PHACTR3: variants seen among roughly 807,000 people sequenced by gnomAD.
PHACTR3 encodes phosphatase and actin regulator 3.
Under a neutral mutation model 66.8 loss-of-function variants are expected in PHACTR3, and 16 were observed. That is an observed-to-expected ratio of 0.24 (90% CI 0.16 to 0.36). PHACTR3 has a LOEUF of 0.36. PHACTR3 is among the 10% of genes least tolerant of loss of function. PHACTR3 has a pLI of 1.00. For missense variants in PHACTR3, 647 were observed against 719.9 expected, an observed-to-expected ratio of 0.90 and a Z score of 1.16; for synonymous variants, 323 against 292.1, an observed-to-expected ratio of 1.11 and a Z score of -1.08.
intron 1 of PHACTR3, among the ~76,000 whole-genome samples, chr20:59,687,037 ATGATGATGGTGGTGATTG>A (rs1490507819): frequency 2.2e-5 from 3 of 138,394 alleles, no homozygotes; most frequent in Non-Finnish European, 5.0e-5. Flanking sequence ...GATGGTGGTG[ATGATGATGGTGGTGATTG>A]TGATGATGGT....
chr20:59,653,288 G>A (rs536243733), intron 1 of PHACTR3, among the ~76,000 whole-genome samples: 5 of 151,816 alleles, frequency 3.3e-5, no homozygotes, highest in African/African-American at 9.7e-5. Context: ...GGGTTCAAGC[G>A]ATTTTCCTGT....
chr20:59,786,188 C>T (rs923904867), intron 7 of PHACTR3, among the ~76,000 whole-genome samples: 2 of 152,216 alleles, frequency 1.3e-5, no homozygotes, highest in Non-Finnish European at 2.9e-5. Flanking sequence ...GCGTGTGTGC[C>T]CCCAGGGAGT....
At chr20:59,655,886 G>T (rs902785430) in intron 1 of PHACTR3, among the ~76,000 whole-genome samples, 2 of 151,886 alleles carry the variant, frequency 1.3e-5, no homozygotes, top group Non-Finnish European at 3.0e-5. Flanking sequence ...TCTCACTCAT[G>T]ATTTATTCTT....
chr20:59,669,490 C>T (rs973521328), intron 1 of PHACTR3, among the ~76,000 whole-genome samples: 6 of 152,320 alleles, frequency 3.9e-5, no homozygotes, highest in Admixed American at 3.9e-4. Context: ...ATTCACATAT[C>T]GTGCAGCTCA....
In PHACTR3 at chr20:59,736,538, G is replaced by A. The variant is rs148859173; in HGVS notation, c.119-6569G>A. ...TCCGCAGGTGCTCACCCGCCCACCC[G>A]TGTAGGTGCACACCCACCCATGCCC... On this transcript the variant is annotated intron_variant, in intron 1 of 12. Coordinates refer to ENST00000371015, the MANE Select transcript of PHACTR3 (RefSeq NM_080672.5). This position sits in a 1 kb window ranked among gnomAD's most constrained non-coding sequence, Gnocchi z 4.6. 3.3e-4 allele frequency among the ~76,000 whole-genome samples: 36 copies of A among 108,594 alleles called. No individual in the cohort carries two copies. The highest frequency in any genetic ancestry group is 8.9e-4 in the African/African-American group (25 of 28,086). The allele number at this position is 108,594 out of a possible 152,430, so 71.2% of individuals were successfully genotyped here.
At chr20:59,757,938 C>T (rs187177377) in intron 4 of PHACTR3, among the ~76,000 whole-genome samples, 13 of 152,292 alleles carry the variant, frequency 8.5e-5, no homozygotes, top group African/African-American at 3.1e-4. Context: ...CCACTGCACT[C>T]CAGTCTGGGC....
At chr20:59,797,779 T>G (rs1407555127) in intron 7 of PHACTR3, among the ~76,000 whole-genome samples, 6 of 152,210 alleles carry the variant, frequency 3.9e-5, no homozygotes, top group Non-Finnish European at 8.8e-5. Flanking sequence ...ATTACACTGT[T>G]GCTTTTTGAG....
At chr20:59,686,995 ATGG>A (rs1333268470) in intron 1 of PHACTR3, among the ~76,000 whole-genome samples, 3 of 141,642 alleles carry the variant, frequency 2.1e-5, no homozygotes, top group African/African-American at 2.6e-5. Flanking sequence ...GATTGTGATG[ATGG>A]TGGTGATTGT....
At chr20:59,629,615 A>G (rs1026393031) in intron 1 of PHACTR3, among the ~76,000 whole-genome samples, 4 of 152,114 alleles carry the variant, frequency 2.6e-5, no homozygotes, top group Non-Finnish European at 4.4e-5. Context: ...CTGCCCTTCC[A>G]GGGTATGAGC....
intron 1 of PHACTR3, among the ~76,000 whole-genome samples, chr20:59,650,274 C>A (rs1015558011): frequency 1.4e-4 from 22 of 152,074 alleles, no homozygotes; most frequent in South Asian, 6.3e-4. Context: ...TCTGCATATA[C>A]CTATGATTCA....
At chr20:59,641,330 G>A (rs915129615) in intron 1 of PHACTR3, among the ~76,000 whole-genome samples, 1 of 152,058 alleles carries the variant, frequency 6.6e-6, no homozygotes, top group African/African-American at 2.4e-5. Context: ...TGGCCTATGT[G>A]TTGTGGAGTC....
chr20:59,622,992 A>AAAAAAAAAAAAAAAAAAAAAAAC (rs1371507011), intron 1 of PHACTR3, among the ~76,000 whole-genome samples: 3 of 145,178 alleles, frequency 2.1e-5, no homozygotes, highest in Non-Finnish European at 4.6e-5. Flanking sequence ...AAAAAAAAAA[A>AAAAAAAAAAAAAAAAAAAAAAAC]AAAAAAAAAC....
chr20:59,686,055 C>A (rs1002452230), intron 1 of PHACTR3, among the ~76,000 whole-genome samples: 1 of 152,192 alleles, frequency 6.6e-6, no homozygotes, highest in African/African-American at 2.4e-5. Flanking sequence ...TGGGCTACCC[C>A]CCCCATACCT....
intron 1 of PHACTR3, among the ~76,000 whole-genome samples, chr20:59,692,379 A>C (rs994497383): frequency 6.6e-6 from 1 of 152,136 alleles, no homozygotes; most frequent in South Asian, 2.1e-4. Flanking sequence ...TCAACTTATA[A>C]ATAGCCTCAG....
chr20:59,621,704 G>A (rs1246389178), intron 1 of PHACTR3, among the ~76,000 whole-genome samples: 7 of 152,238 alleles, frequency 4.6e-5, no homozygotes, highest in Non-Finnish European at 1.5e-5. Flanking sequence ...GTGACAGGGA[G>A]CACAGGCCAC....
intron 5 of PHACTR3, 134 bp downstream of exon 5, chr20:59,767,529 A>C: frequency 1.9e-6 from 2 of 1,080,196 alleles, no homozygotes; most frequent in Non-Finnish European, 2.7e-6. Flanking sequence ...CATACCTTCA[A>C]CCAGTCTTGA....
chr20:59,642,240 A>G (rs1251520223), intron 1 of PHACTR3, among the ~76,000 whole-genome samples: 1 of 152,036 alleles, frequency 6.6e-6, no homozygotes, highest in African/African-American at 2.4e-5. Context: ...AGTTTCCTGG[A>G]CTTTTGCAGG....
intron 3 of PHACTR3, among the ~76,000 whole-genome samples, chr20:59,748,981 G>A (rs572782921): frequency 2.0e-5 from 3 of 152,140 alleles, no homozygotes; most frequent in African/African-American, 7.2e-5. Flanking sequence ...CTTTAGACTC[G>A]AAGAGTGAAG....
chr20:59,675,078 C>A (rs1222385349), intron 1 of PHACTR3, among the ~76,000 whole-genome samples: 2 of 119,094 alleles, frequency 1.7e-5, no homozygotes, highest in Non-Finnish European at 3.4e-5. Flanking sequence ...CTCTCTTTTC[C>A]TCCCCTTCCT....
Sources: gnomAD v4.1 joint callset for allele counts (sites outside exome capture counted in the v4.1 genomes callset) on GRCh38, gnomAD v4.1.1 for gene constraint, Gnocchi (gnomAD v3.1) non-coding constraint, MANE v1.5 for transcripts, NCBI Gene and HGNC (gene_info 2026-07-23, HGNC 2026-07-21) for gene names.